Variants in HS3ST2 observed in about 807,000 individuals in gnomAD.
The protein encoded by HS3ST2 is heparan sulfate glucosamine 3-O-sulfotransferase 2.
In HS3ST2, 17 loss-of-function variants were observed where a neutral mutation model predicts 26.3. That is an observed-to-expected ratio of 0.65 (90% CI 0.44 to 0.97). The LOEUF is 0.97. HS3ST2 is among the 50% of genes least tolerant of loss of function. The pLI is 0.00. For synonymous variants in HS3ST2, 237 were observed against 219.2 expected (o/e 1.08, Z -0.72); for missense variants, 402 against 501.2 (o/e 0.80, Z 1.89).
chr16:22,817,835 A>G (rs758424206), intron 1 of HS3ST2, among the ~76,000 whole-genome samples: 2 of 152,184 alleles, frequency 1.3e-5, no homozygotes, highest in Non-Finnish European at 2.9e-5. Flanking sequence ...CCTGATCAGG[A>G]GGCTGAAATC....
intron 1 of HS3ST2, among the ~76,000 whole-genome samples, chr16:22,870,318 C>T (rs573259487): frequency 6.5e-4 from 99 of 152,194 alleles, no homozygotes; most frequent in African/African-American, 2.2e-3. Context: ...CCAGATATGA[C>T]GACTGCTCAC....
Position 22,815,101 on chromosome 16 carries a change from G to T in HS3ST2, c.485+6G>T. The T allele has an allele frequency of 6.2e-7, 1 of 1,612,082 alleles. No individual in the cohort carries two copies. Among genetic ancestry groups the T allele is most frequent in the Non-Finnish European group, 8.5e-7 (1 of 1,179,756 alleles). On this transcript the variant is annotated splice_donor_region_variant and intron_variant, in intron 1 of 1. Transcript: ENST00000261374. ...CGCGGGCTGGATTGGTACAGGTAAGGACCAGGAGCTCCGCTCCGTGCGCCG... is the reference window on the plus strand; with the variant it reads ...CGCGGGCTGGATTGGTACAGGTAAGTACCAGGAGCTCCGCTCCGTGCGCCG...
At chr16:22,873,219 C>T (rs568518430) in intron 1 of HS3ST2, among the ~76,000 whole-genome samples, 1 of 152,186 alleles carries the variant, frequency 6.6e-6, no homozygotes, top group African/African-American at 2.4e-5. Flanking sequence ...CAAAGCCTGG[C>T]TCCATCACTC....
chr16:22,885,798 A>C (rs1048866300), intron 1 of HS3ST2, among the ~76,000 whole-genome samples: 2 of 152,078 alleles, frequency 1.3e-5, no homozygotes. Context: ...TGCTGGGGAT[A>C]AAGTGGGGAA....
chr16:22,867,062 T>C (rs1184298707), intron 1 of HS3ST2, among the ~76,000 whole-genome samples: 1 of 152,166 alleles, frequency 6.6e-6, no homozygotes, highest in Non-Finnish European at 1.5e-5. Context: ...AAAACATAAG[T>C]TTATAGTAAT....
chr16:22,815,114 G>T lies in HS3ST2; in HGVS notation c.485+19G>T. On this transcript the variant is annotated intron_variant, in intron 1 of 1. Coordinates refer to ENST00000261374, the MANE Select transcript of HS3ST2 (RefSeq NM_006043.2). ...GGTACAGGTAAGGACCAGGAGCTCC[G>T]CTCCGTGCGCCGGGTCTCTGATCGC... 8 of 1,607,562 alleles carry T rather than the reference G, an allele frequency of 5.0e-6. No individual in the cohort carries two copies. Among genetic ancestry groups the T allele is most frequent in the Non-Finnish European group, 6.8e-6 (8 of 1,178,634 alleles).
At chr16:22,870,704 CTCT>C (rs777083492) in intron 1 of HS3ST2, among the ~76,000 whole-genome samples, 47 of 152,220 alleles carry the variant, frequency 3.1e-4, no homozygotes, top group Non-Finnish European at 5.1e-4. Context: ...ATATTTGCTC[CTCT>C]GAGAGCCTCA....
chr16:22,910,675 T>C (rs576199494), intron 1 of HS3ST2, among the ~76,000 whole-genome samples: 6 of 152,334 alleles, frequency 3.9e-5, no homozygotes, highest in Non-Finnish European at 7.3e-5. Context: ...TAAATACGAT[T>C]TCAACTTTCA....
In HS3ST2 at chr16:22,819,191, C is replaced by A. The variant is rs146694675; in HGVS notation, c.485+4096C>A. Among the ~76,000 whole-genome samples, 694 of 142,688 alleles carry A rather than the reference C, an allele frequency of 4.9e-3. 11 individuals carry two copies. The highest frequency in any genetic ancestry group is 0.018 in the African/African-American group (644 of 35,886). The allele number at this position is 142,688 out of a possible 152,430, so 93.6% of individuals were successfully genotyped here. A position where few individuals can be genotyped will look rare whatever the true frequency, so the allele number is the denominator to read the frequency against. ...TCCTTCCCTCCTTCCTTCCTCCCTTCCTCCCTTCCTTTTCTCTTTCCTTCC... is the reference window on the plus strand; with the variant it reads ...TCCTTCCCTCCTTCCTTCCTCCCTTACTCCCTTCCTTTTCTCTTTCCTTCC... On this transcript the variant is annotated intron_variant, in intron 1 of 1. Transcript: ENST00000261374.
chr16:22,887,786 GA>G (rs10622829), intron 1 of HS3ST2, among the ~76,000 whole-genome samples: 43 of 146,156 alleles, frequency 2.9e-4, no homozygotes, highest in South Asian at 2.9e-3. Context: ...ATCTCTACGG[GA>G]AAAAAAAAAA....
chr16:22,820,615 C>G (rs1037545262), intron 1 of HS3ST2, among the ~76,000 whole-genome samples: 1 of 152,254 alleles, frequency 6.6e-6, no homozygotes, highest in Non-Finnish European at 1.5e-5. Flanking sequence ...GACTTATTCA[C>G]CATCACGAGA....
intron 1 of HS3ST2, among the ~76,000 whole-genome samples, chr16:22,861,492 G>C (rs971973579): frequency 1.8e-4 from 28 of 151,948 alleles, no homozygotes; most frequent in African/African-American, 6.5e-4. Flanking sequence ...GTGACCAGAA[G>C]CTGGAGGAGC....
intron 1 of HS3ST2, chr16:22,854,795 T>C (rs1488085510): frequency 6.6e-6 from 1 of 152,084 alleles, no homozygotes; most frequent in African/African-American, 2.4e-5. Flanking sequence ...TGTGCCACCA[T>C]GCCCAGCTAA....
intron 1 of HS3ST2, among the ~76,000 whole-genome samples, chr16:22,876,430 C>A (rs2141195122): frequency 6.6e-6 from 1 of 152,128 alleles, no homozygotes; most frequent in South Asian, 2.1e-4. Context: ...GAATAGCCAT[C>A]ATTTTTTAAA....
At position 22,872,412 on chromosome 16, in the gene HS3ST2, G is replaced by A. The variant is rs374944891; in HGVS notation, c.486-42532G>A. Among the ~76,000 whole-genome samples, 10 of 152,212 alleles carry A rather than the reference G, an allele frequency of 6.6e-5. No homozygotes were observed. The South Asian group carries it at 1.2e-3, about 19-fold the overall frequency. ...ATATTTGATCCAGAGAAGTTTTGTC[G>A]GGCTCATAGGGTATTTTGAGAAAAA... On this transcript the variant is annotated intron_variant, in intron 1 of 1. Transcript: ENST00000261374.
At chr16:22,876,305 C>T (rs768018885) in intron 1 of HS3ST2, among the ~76,000 whole-genome samples, 1 of 151,680 alleles carries the variant, frequency 6.6e-6, no homozygotes, top group Non-Finnish European at 1.5e-5. Flanking sequence ...ACAGACAATT[C>T]TCGAAAAAAA....
At chr16:22,853,111 A>G (rs1388680456) in intron 1 of HS3ST2, among the ~76,000 whole-genome samples, 1 of 152,164 alleles carries the variant, frequency 6.6e-6, no homozygotes, top group Non-Finnish European at 1.5e-5. Flanking sequence ...AAATTTTTAC[A>G]TCTGCACACA....
intron 1 of HS3ST2, among the ~76,000 whole-genome samples, chr16:22,843,822 C>T (rs1901393955): frequency 6.6e-6 from 1 of 152,180 alleles, no homozygotes; most frequent in Non-Finnish European, 1.5e-5. Flanking sequence ...GGTGGAGACC[C>T]TCTCTGGGGA....
At position 22,820,125 on chromosome 16, in the gene HS3ST2, C is replaced by G. The variant is rs138375835; in HGVS notation, c.485+5030C>G. Among the ~76,000 whole-genome samples, 3 of 152,136 alleles carry G rather than the reference C, an allele frequency of 2.0e-5. No homozygotes were observed. In the East Asian group the frequency reaches 5.8e-4, roughly 29 times the overall value. On this transcript the variant is annotated intron_variant, in intron 1 of 1. Transcript: ENST00000261374. ...CAGAAATTCCCTGTCTTGGTCCAGG[C>G]GAACGTCACACAGTATGATTAAATG...
Sources: gnomAD v4.1 joint callset for allele counts (sites outside exome capture counted in the v4.1 genomes callset) on GRCh38, gnomAD v4.1.1 for gene constraint, MANE v1.5 for transcripts, NCBI Gene and HGNC (gene_info 2026-07-23, HGNC 2026-07-21) for gene names.